ITGB6: variants seen among roughly 807,000 people sequenced by gnomAD.
ITGB6 encodes the protein integrin beta-6.
Under a neutral mutation model 84.5 loss-of-function variants are expected in ITGB6, and 80 were observed. That is an observed-to-expected ratio of 0.95 (90% CI 0.79 to 1.14). The LOEUF is 1.14. ITGB6 is among the 50% of genes most tolerant of loss of function. The pLI, the probability that ITGB6 is intolerant of heterozygous loss-of-function variation, is 0.00. For synonymous variants in ITGB6, 383 were observed against 354.9 expected (o/e 1.08, Z -0.89); for missense variants, 1,006 against 968.0 (o/e 1.04, Z -0.52).
Position 160,112,087 on chromosome 2 carries a change from A to G in ITGB6, c.2094T>C (p.Asn698=). Residue 698 remains asparagine, a synonymous_variant, in exon 13 of 15, where the codon AAT becomes AAC. Transcript: ENST00000283249. ...GGAAGGCAAAACACCCACCTTTTTC[A>G]TTGATGCTGTGAATGATGGTTTTCC... is the stretch of plus-strand genomic sequence containing the variant. The part of the protein sequence containing the change: ...NEGKTIIHSI[N]EKDCPKPPNI... 3 of 1,611,960 alleles carry G rather than the reference A, an allele frequency of 1.9e-6. No homozygotes were observed. The highest frequency in any genetic ancestry group is 1.3e-5 in the African/African-American group (1 of 74,886).
chr2:160,112,352 A>G (rs889139301), intron 12 of ITGB6, among the ~76,000 whole-genome samples, 153 bp from the exon 13 acceptor site: 1 of 151,932 alleles, frequency 6.6e-6, no homozygotes, highest in Non-Finnish European at 1.5e-5. Context: ...TTTCTCATGA[A>G]GTGAGGTTTT....
chr2:160,106,738 C>G (rs368029437), intron 14 of ITGB6, among the ~76,000 whole-genome samples: 1 of 152,144 alleles, frequency 6.6e-6, no homozygotes, highest in East Asian at 1.9e-4. Flanking sequence ...ACAGAAACAT[C>G]CCTTATCAAG....
intron 13 of ITGB6, among the ~76,000 whole-genome samples, chr2:160,110,471 G>A (rs903126884): frequency 1.3e-5 from 2 of 152,020 alleles, no homozygotes; most frequent in African/African-American, 4.8e-5. Context: ...TCACCTCAAG[G>A]GCCTGGAGCC....
chr2:160,167,823 C>T (rs1001748350), intron 7 of ITGB6, among the ~76,000 whole-genome samples: 1 of 152,150 alleles, frequency 6.6e-6, no homozygotes, highest in African/African-American at 2.4e-5. Context: ...TCATCAATCG[C>T]ATTCCCCAGA....
At chr2:160,196,551 T>A (rs1258805623) in intron 2 of ITGB6, 131 bp from the exon 3 acceptor site, 3 of 686,498 alleles carry the variant, frequency 4.4e-6, no homozygotes, top group Non-Finnish European at 7.3e-6. Flanking sequence ...TATCCCTACA[T>A]GACTAACATT....
At chr2:160,132,648 A>G (rs751649754) in intron 10 of ITGB6, among the ~76,000 whole-genome samples, 11 of 152,140 alleles carry the variant, frequency 7.2e-5, no homozygotes, top group Admixed American at 2.6e-4. Context: ...ATTTCAATCT[A>G]TAAGACAAAT....
At chr2:160,182,244 G>A (rs1244654553) in intron 4 of ITGB6, among the ~76,000 whole-genome samples, 7 of 152,036 alleles carry the variant, frequency 4.6e-5, no homozygotes, top group Non-Finnish European at 1.0e-4. Flanking sequence ...TAAGAACCTT[G>A]AAAAAAGGTT....
At chr2:160,137,957 T>C in intron 9 of ITGB6, 106 bp from the exon 10 acceptor site, 1 of 1,528,718 alleles carries the variant, frequency 6.5e-7, no homozygotes, top group Non-Finnish European at 8.8e-7. Context: ...TAGAAAATCT[T>C]TGAAAATTGC....
chr2:160,197,876 A>G (rs1243668176), intron 2 of ITGB6, among the ~76,000 whole-genome samples: 1 of 152,228 alleles, frequency 6.6e-6, no homozygotes, highest in Non-Finnish European at 1.5e-5. Flanking sequence ...GCAGAAGCCT[A>G]ATTTACTTTT....
intron 12 of ITGB6, among the ~76,000 whole-genome samples, chr2:160,119,639 T>G (rs1333410774): frequency 6.6e-6 from 1 of 151,992 alleles, no homozygotes; most frequent in Non-Finnish European, 1.5e-5. Context: ...CCAAAAGCAA[T>G]GGCAACAAAA....
chr2:160,128,536 G>A (rs1459065208), intron 10 of ITGB6, among the ~76,000 whole-genome samples: 1 of 152,188 alleles, frequency 6.6e-6, no homozygotes, highest in Non-Finnish European at 1.5e-5. Flanking sequence ...GAAAAATCAG[G>A]AGTAGAGGCA....
chr2:160,126,406 G>A lies in ITGB6; in HGVS notation c.1856C>T (p.Thr619Ile), dbSNP rs749328795. ...TTTAGAGTTACAGGGGTCACCACAG[G>A]TAGGACATCGTTCACAGGTTGGTCC... Reference protein sequence around the residue: ...ASGPTCERCPTCGDPCNSKRS... With the variant: ...ASGPTCERCPICGDPCNSKRS... The change falls in exon 11 of 15, where the codon ACC becomes ATC. Residue 619 changes from threonine (T) to isoleucine (I), a missense_variant. Transcript: ENST00000283249. The A allele has an allele frequency of 5.1e-5, 83 of 1,614,060 alleles. No homozygotes were observed. The highest frequency in any genetic ancestry group is 3.3e-5 in the Admixed American group (2 of 59,998).
Position 160,101,456 on chromosome 2 carries a change from C to G in ITGB6, c.*280G>C, listed in dbSNP as rs555047927. Reference sequence around the variant, plus strand: ...AAACATTTTTCAAATGCAAATCAGGCCCCCATGAATCATTTGATGATTTTT... The same window carrying G: ...AAACATTTTTCAAATGCAAATCAGGGCCCCATGAATCATTTGATGATTTTT... On this transcript the variant is annotated 3_prime_UTR_variant, in exon 15 of 15. Coordinates refer to ENST00000283249, the MANE Select transcript of ITGB6 (RefSeq NM_000888.5). The G allele has an allele frequency of 3.1e-6, 1 of 322,496 alleles. No individual in the cohort carries two copies. Among genetic ancestry groups the G allele is most frequent in the Non-Finnish European group, 5.7e-6 (1 of 176,280 alleles). 20.0% of individuals were successfully genotyped at this position (322,496 alleles called of 1,614,324 possible).
chr2:160,138,548 C>T (rs1683864782), intron 8 of ITGB6, among the ~76,000 whole-genome samples: 1 of 152,170 alleles, frequency 6.6e-6, no homozygotes, highest in African/African-American at 2.4e-5. Flanking sequence ...GCAAATTCTC[C>T]TGCCCTGAGT....
chr2:160,158,853 C>A (rs933070217), intron 7 of ITGB6, among the ~76,000 whole-genome samples: 1 of 152,156 alleles, frequency 6.6e-6, no homozygotes, highest in Non-Finnish European at 1.5e-5. Context: ...GTAATCCCAG[C>A]ACTTTGGGAG....
In ITGB6 at chr2:160,107,749, A is replaced by AGTAGCT; in HGVS notation, c.2192_2197dup (p.Leu732_Leu733insGlnLeu). 2 of 1,614,122 alleles carry AGTAGCT rather than the reference A, an allele frequency of 1.2e-6. No homozygotes were observed. Among genetic ancestry groups the AGTAGCT allele is most frequent in the Non-Finnish European group, 1.7e-6 (2 of 1,179,958 alleles). On this transcript the variant is annotated inframe_insertion, in exon 14 of 15. Coordinates refer to ENST00000283249, the MANE Select transcript of ITGB6 (RefSeq NM_000888.5). Reference sequence around the variant, plus strand: ...TTCTTTACGATCATGAAATGACACCAGTAGCTTCCAGATGCACAGTAGGAC... The same window carrying AGTAGCT: ...TTCTTTACGATCATGAAATGACACCAGTAGCTGTAGCTTCCAGATGCACAGTAGGAC...
chr2:160,105,446 T>G (rs1663540084), intron 14 of ITGB6, among the ~76,000 whole-genome samples: 1 of 152,212 alleles, frequency 6.6e-6, no homozygotes, highest in Non-Finnish European at 1.5e-5. Flanking sequence ...CATTGAAATG[T>G]GCTGGTTAGT....
intron 4 of ITGB6, 121 bp downstream of exon 4, chr2:160,195,248 A>G: frequency 3.9e-6 from 5 of 1,272,700 alleles, no homozygotes; most frequent in Non-Finnish European, 4.4e-6. Context: ...AACTGCTGAG[A>G]TCCAACCAGA....
At chr2:160,140,612 G>C (rs1276308766) in intron 8 of ITGB6, among the ~76,000 whole-genome samples, 1 of 152,204 alleles carries the variant, frequency 6.6e-6, no homozygotes, top group Non-Finnish European at 1.5e-5. Flanking sequence ...ATTACTGCAT[G>C]AGAGGGAGGA....
Sources: allele counts gnomAD v4.1 joint callset (sites outside exome capture counted in the v4.1 genomes callset), GRCh38; gene constraint gnomAD v4.1.1; transcripts MANE v1.5; gene names NCBI Gene and HGNC (gene_info 2026-07-23, HGNC 2026-07-21).